Variants in TLE1 observed in about 807,000 individuals in gnomAD.
The protein encoded by TLE1 is transducin-like enhancer protein 1.
A neutral mutation model predicts 89.8 loss-of-function variants in TLE1; 21 were observed. The ratio of observed to expected loss-of-function variants is 0.23; its 90% CI spans 0.17 to 0.34. The LOEUF (loss-of-function observed/expected upper bound fraction) is 0.34. Among genes scored for constraint, TLE1 ranks in the 10% least tolerant of loss-of-function variants. The probability of loss-of-function intolerance (pLI) is 1.00; values close to 1 mark genes in which losing one functional copy is unlikely to be tolerated. For synonymous variants in TLE1, 447 were observed against 407.6 expected, an observed-to-expected ratio of 1.10 and a Z score of -1.16; for missense variants, 795 against 1,031.2, an observed-to-expected ratio of 0.77 and a Z score of 3.14.
intron 3 of TLE1, 38 bp downstream of exon 3, chr9:81,685,792 TATC>T (rs762804281): frequency 3.7e-6 from 6 of 1,613,012 alleles, no homozygotes; most frequent in South Asian, 3.3e-5. Flanking sequence ...CGTTTGCTAA[TATC>T]ATATGAAAAA....
chr9:81,597,992 G>A (rs1263015484), intron 14 of TLE1, among the ~76,000 whole-genome samples: 1 of 152,170 alleles, frequency 6.6e-6, no homozygotes, highest in Non-Finnish European at 1.5e-5. Context: ...CCTGGAAATA[G>A]GAACTGCAGT....
At chr9:81,683,129 C>T (rs1226542159) in intron 4 of TLE1, among the ~76,000 whole-genome samples, 11 of 152,046 alleles carry the variant, frequency 7.2e-5, no homozygotes, top group Non-Finnish European at 2.9e-5. Context: ...CCGACAAACC[C>T]GTTGAAAGGT....
rs1828003871 is a variant in TLE1 at position 81,584,070 on chromosome 9, T to C, written c.*128A>G. ...CTCCTCTTTGTAGACTCAAAGTAGTTTTCTGTCAAGGTTTGGAAACAGGTG... is the reference window on the plus strand; with the variant it reads ...CTCCTCTTTGTAGACTCAAAGTAGTCTTCTGTCAAGGTTTGGAAACAGGTG... On this transcript the variant is annotated 3_prime_UTR_variant, in exon 20 of 20. Transcript: ENST00000376499. 5.0e-6 allele frequency: 4 copies of C among 793,340 alleles called. No homozygotes were observed. The highest frequency in any genetic ancestry group is 2.4e-5 in the Admixed American group (1 of 40,858). The allele number at this position is 793,340 out of a possible 1,614,324, so 49.1% of individuals were successfully genotyped here.
At chr9:81,685,214 A>G (rs1264518318) in intron 4 of TLE1, among the ~76,000 whole-genome samples, 1 of 152,170 alleles carries the variant, frequency 6.6e-6, no homozygotes, top group African/African-American at 2.4e-5. Flanking sequence ...CCCAAAGCAT[A>G]AAGAATACTC....
chr9:81,641,134 A>C (rs534766388), intron 6 of TLE1, among the ~76,000 whole-genome samples: 2 of 152,162 alleles, frequency 1.3e-5, no homozygotes, highest in Admixed American at 6.5e-5. Flanking sequence ...GTTCTCTCCA[A>C]ATCACTCTTC....
At chr9:81,670,233 C>T (rs766428558) in intron 4 of TLE1, among the ~76,000 whole-genome samples, 6 of 152,104 alleles carry the variant, frequency 3.9e-5, no homozygotes, top group Admixed American at 2.0e-4. Flanking sequence ...AACCAGTATG[C>T]GACAAACAGT....
At chr9:81,587,924 G>GTGTGTGTCATCCCGCC in intron 16 of TLE1, 96 bp from the exon 17 acceptor site, 2 of 1,019,680 alleles carry the variant, frequency 2.0e-6, no homozygotes, top group Admixed American at 2.8e-5. Context: ...GTGTGTGTGT[G>GTGTGTGTCATCCCGCC]TGTGTGTGTG....
intron 11 of TLE1, among the ~76,000 whole-genome samples, chr9:81,614,640 C>T (rs575235698): frequency 6.6e-6 from 1 of 152,024 alleles, no homozygotes; most frequent in Admixed American, 6.5e-5. Context: ...TAATGCCTAC[C>T]GGGACCAGGT....
chr9:81,675,882 G>A (rs1032812480), intron 4 of TLE1, among the ~76,000 whole-genome samples: 2 of 151,828 alleles, frequency 1.3e-5, no homozygotes, highest in Non-Finnish European at 2.9e-5. Context: ...CGTATTTTCA[G>A]CAGAGACGGG....
intron 14 of TLE1, chr9:81,599,989 C>A: frequency 1.6e-6 from 1 of 628,422 alleles, no homozygotes; most frequent in Non-Finnish European, 2.9e-6. Context: ...AACAGATGAC[C>A]TAAGTTGATA....
chr9:81,641,120 G>C (rs939899388), intron 6 of TLE1, among the ~76,000 whole-genome samples: 2 of 152,098 alleles, frequency 1.3e-5, no homozygotes, highest in African/African-American at 4.8e-5. Flanking sequence ...AGCATTTGTT[G>C]ACAGTTCTCT....
rs11301991 is a variant in TLE1, at chr9:81,595,814, C to CA, written c.1332-2541dup. ...AGCCTGGGCGACAGAGACTCTGTCT[C>CA]AAAAAAAAAAAAAAAAAAATTAAAA... is the stretch of plus-strand genomic sequence containing the variant. On this transcript the variant is annotated intron_variant, in intron 14 of 19. Coordinates refer to ENST00000376499, the MANE Select transcript of TLE1 (RefSeq NM_005077.5). Among the ~76,000 whole-genome samples the CA allele has an allele frequency of 7.8e-3, 828 of 106,572 alleles. 6 individuals are homozygous for CA. Among genetic ancestry groups the CA allele is most frequent in the Middle Eastern group, 0.018 (4 of 220 alleles). The allele number at this position is 106,572 out of a possible 152,430, so 69.9% of individuals were successfully genotyped here. A position where few individuals can be genotyped will look rare whatever the true frequency, so the allele number is the denominator to read the frequency against.
chr9:81,668,059 G>T (rs1436359247), intron 4 of TLE1, among the ~76,000 whole-genome samples: 1 of 152,134 alleles, frequency 6.6e-6, no homozygotes, highest in African/African-American at 2.4e-5. Flanking sequence ...AGCTACATCA[G>T]GAGGCTGAGG....
chr9:81,612,906 A>T (rs1369321513), intron 12 of TLE1, among the ~76,000 whole-genome samples: 1 of 152,202 alleles, frequency 6.6e-6, no homozygotes, highest in Non-Finnish European at 1.5e-5. Context: ...AAAAATACAA[A>T]AATTAGCCAG....
chr9:81,631,627 C>A (rs889099254), intron 8 of TLE1, among the ~76,000 whole-genome samples: 1 of 152,176 alleles, frequency 6.6e-6, no homozygotes, highest in African/African-American at 2.4e-5. Flanking sequence ...ATGAACATAG[C>A]CATTTAAGGT....
intron 14 of TLE1, among the ~76,000 whole-genome samples, chr9:81,596,296 G>A (rs547492638): frequency 3.3e-5 from 5 of 152,224 alleles, no homozygotes; most frequent in African/African-American, 1.2e-4. Flanking sequence ...TCCGTCCCAC[G>A]GGAAGCCCAT....
chr9:81,644,653 T>C (rs1564017764), intron 6 of TLE1, among the ~76,000 whole-genome samples: 1 of 152,168 alleles, frequency 6.6e-6, no homozygotes, highest in Non-Finnish European at 1.5e-5. Context: ...GTGATGGTTG[T>C]ACAGCAATGT....
intron 14 of TLE1, among the ~76,000 whole-genome samples, chr9:81,609,698 G>C (rs962958975): frequency 6.6e-6 from 1 of 152,036 alleles, no homozygotes; most frequent in Non-Finnish European, 1.5e-5. Context: ...ACTTTACTTG[G>C]GGGTAAACCT....
chr9:81,606,767 A>C (rs1831717135), intron 14 of TLE1, among the ~76,000 whole-genome samples: 1 of 151,640 alleles, frequency 6.6e-6, no homozygotes, highest in African/African-American at 2.4e-5. Flanking sequence ...CTAGAACTTA[A>C]AGTATAATTA....
Sources: allele counts gnomAD v4.1 joint callset (sites outside exome capture counted in the v4.1 genomes callset), GRCh38; gene constraint gnomAD v4.1.1; transcripts MANE v1.5; gene names NCBI Gene and HGNC (gene_info 2026-07-23, HGNC 2026-07-21).